The following TENM3 variants were observed in gnomAD, a reference collection of about 807,000 sequenced individuals.
TENM3 encodes teneurin transmembrane protein 3, also known as teneurin-3.
In TENM3, 63 loss-of-function variants were observed where a neutral mutation model predicts 255.1. That is an observed-to-expected ratio of 0.25 (90% CI 0.20 to 0.30). The LOEUF (loss-of-function observed/expected upper bound fraction) is 0.30, where lower values mean the gene tolerates loss of function less well. Ranked by LOEUF, TENM3 falls within the 10% of genes least tolerant of loss-of-function variation. TENM3 has a pLI of 1.00. For synonymous variants in TENM3, 1,306 were observed against 1,322.3 expected (o/e 0.99, Z 0.27); for missense variants, 2,929 against 3,461.1 (o/e 0.85, Z 3.86).
the TENM3 span, among the ~76,000 whole-genome samples, chr4:181,866,012 G>A: frequency 0.4 from 60,810 of 151,944 alleles, 13,449 homozygotes; most frequent in Non-Finnish European, 0.49. Flanking sequence ...TAAATCCATA[G>A]GTCTTAGTTA....
At chr4:182,063,233 T>C in the TENM3 span, among the ~76,000 whole-genome samples, 1 of 152,212 alleles carries the variant, frequency 6.6e-6, no homozygotes, top group Non-Finnish European at 1.5e-5. Flanking sequence ...TATTGAAATA[T>C]GCAGAAGTCC....
At chr4:181,705,983 A>C in the TENM3 span, among the ~76,000 whole-genome samples, 1 of 152,324 alleles carries the variant, frequency 6.6e-6, no homozygotes, top group African/African-American at 2.4e-5. Context: ...TCATTGTATT[A>C]GTTTGCTAGG....
intron 3 of TENM3, among the ~76,000 whole-genome samples, chr4:182,377,151 C>T (rs1767229760): frequency 6.6e-6 from 1 of 152,154 alleles, no homozygotes; most frequent in African/African-American, 2.4e-5. Context: ...ATTTCCCAGA[C>T]AGCTTGCTAA....
At chr4:182,362,864 G>C (rs966915360) in intron 3 of TENM3, among the ~76,000 whole-genome samples, 1 of 152,102 alleles carries the variant, frequency 6.6e-6, no homozygotes, top group Admixed American at 6.5e-5. Flanking sequence ...CGGCCATCTT[G>C]GCTCCTCCCT....
chr4:182,142,236 T>C (rs999955038), upstream of TENM3: 11 of 152,166 alleles, frequency 7.2e-5, no homozygotes, highest in African/African-American at 2.7e-4. Context: ...GATGGATCTA[T>C]CCCAGGGCGA....
intron 2 of TENM3, among the ~76,000 whole-genome samples, chr4:182,327,010 C>T (rs756993733): frequency 8.6e-5 from 13 of 152,036 alleles, no homozygotes; most frequent in Admixed American, 8.5e-4. Flanking sequence ...GTTTGATATG[C>T]GGAGTATTTG....
the TENM3 span, among the ~76,000 whole-genome samples, chr4:181,917,660 T>TC: frequency 6.7e-6 from 1 of 148,446 alleles, no homozygotes; most frequent in African/African-American, 2.6e-5. Flanking sequence ...CTTTTTTTTT[T>TC]TTCTTTTTTT....
At chr4:182,438,859 GC>G (rs1162531526) in intron 3 of TENM3, among the ~76,000 whole-genome samples, 2 of 152,116 alleles carry the variant, frequency 1.3e-5, no homozygotes, top group Non-Finnish European at 2.9e-5. Context: ...ATTGTACAAA[GC>G]TTTTGTTGAA....
chr4:181,767,307 T>C, the TENM3 span, among the ~76,000 whole-genome samples: 27 of 130,328 alleles, frequency 2.1e-4, no homozygotes, highest in African/African-American at 6.4e-4. Context: ...GAAATTCAAA[T>C]AAATTCAAGA....
chr4:182,417,293 A>T (rs1770459670), intron 3 of TENM3, among the ~76,000 whole-genome samples: 1 of 152,078 alleles, frequency 6.6e-6, no homozygotes, highest in African/African-American at 2.4e-5. Context: ...TCAATACAGT[A>T]TGCAGATGGA....
the TENM3 span, among the ~76,000 whole-genome samples, chr4:181,766,990 C>G: frequency 6.7e-6 from 1 of 150,052 alleles, no homozygotes; most frequent in Admixed American, 6.7e-5. Context: ...CAGTGGCTCA[C>G]GCCTGTAATC....
the TENM3 span, among the ~76,000 whole-genome samples, chr4:181,663,478 T>C: frequency 1.3e-5 from 2 of 152,220 alleles, no homozygotes; most frequent in Admixed American, 1.3e-4. Flanking sequence ...TTAATGCTCA[T>C]TCTCATCAAT....
chr4:181,851,870 A>C, the TENM3 span, among the ~76,000 whole-genome samples: 32 of 152,182 alleles, frequency 2.1e-4, no homozygotes, highest in Non-Finnish European at 2.5e-4. Flanking sequence ...GCGACATTTT[A>C]AGTCTACCAA....
the TENM3 span, among the ~76,000 whole-genome samples, chr4:181,775,288 A>G: frequency 6.6e-6 from 1 of 152,288 alleles, no homozygotes; most frequent in Admixed American, 6.5e-5. Context: ...CTTTTTAGTA[A>G]GAATTTTCCC....
the TENM3 span, among the ~76,000 whole-genome samples, chr4:182,123,095 G>A: frequency 2.0e-5 from 3 of 152,194 alleles, no homozygotes; most frequent in Admixed American, 2.0e-4. Flanking sequence ...TTGAAGAAAT[G>A]TATGGCCTTG....
intron 3 of TENM3, among the ~76,000 whole-genome samples, chr4:182,351,100 T>TA (rs1765150258): frequency 6.6e-6 from 1 of 151,534 alleles, no homozygotes; most frequent in Non-Finnish European, 1.5e-5. Context: ...GGCTTTTTTT[T>TA]ATTTTTTCAA....
the TENM3 span, among the ~76,000 whole-genome samples, chr4:181,466,788 C>T: frequency 7.9e-5 from 12 of 151,960 alleles, no homozygotes; most frequent in Admixed American, 3.9e-4. Flanking sequence ...AATATTGCCC[C>T]TAAGCATTTA....
the TENM3 span, among the ~76,000 whole-genome samples, chr4:181,774,003 G>GTTTTTTTT: frequency 1.8e-4 from 16 of 90,046 alleles, no homozygotes; most frequent in Non-Finnish European, 2.3e-4. Context: ...TGGTGGCTGT[G>GTTTTTTTT]TTTTTTTTTT....
At chr4:182,343,693 C>T (rs1580226920) in intron 2 of TENM3, among the ~76,000 whole-genome samples, 1 of 144,344 alleles carries the variant, frequency 6.9e-6, no homozygotes, top group Non-Finnish European at 1.5e-5. Context: ...GCTCTATTCT[C>T]TCCATCTTCC....
Sources: allele counts gnomAD v4.1 joint callset (sites outside exome capture counted in the v4.1 genomes callset), GRCh38; gene constraint gnomAD v4.1.1; transcripts MANE v1.5; gene names NCBI Gene and HGNC (gene_info 2026-07-23, HGNC 2026-07-21).